The following NFYA variants were observed in gnomAD, a reference collection of about 807,000 sequenced individuals.
NFYA encodes the protein nuclear transcription factor Y subunit alpha.
A neutral mutation model predicts 52.8 loss-of-function variants in NFYA; 28 were observed. That is an observed-to-expected ratio of 0.53 (90% confidence interval 0.39 to 0.73). The LOEUF is 0.73. Ranked by LOEUF, NFYA falls within the 30% of genes least tolerant of loss-of-function variation. NFYA has a pLI of 0.00. For missense variants in NFYA, 234 were observed against 427.0 expected (o/e 0.55, Z 3.98); for synonymous variants, 150 against 150.7 (o/e 1.00, Z 0.03).
Position 41,091,655 on chromosome 6 carries a change from A to C in NFYA, c.675A>C (p.Pro225=). The change falls in exon 7 of 10, where the codon CCA becomes CCC. Residue 225 remains proline, a synonymous_variant. Coordinates refer to ENST00000341376, the MANE Select transcript of NFYA (RefSeq NM_002505.5). The part of the protein sequence containing the change: ...SGQGTVTVTL[P]VAGNVVNSGG... ...AAGGGACTGTCACTGTGACACTACCAGTGGCAGGCAATGTGGTCAATTCAG... is the reference window on the plus strand; with the variant it reads ...AAGGGACTGTCACTGTGACACTACCCGTGGCAGGCAATGTGGTCAATTCAG... 1 of 1,614,216 alleles carries C rather than the reference A, an allele frequency of 6.2e-7. No homozygotes were observed. Among genetic ancestry groups the C allele is most frequent in the Non-Finnish European group, 8.5e-7 (1 of 1,180,020 alleles).
rs1340219870 is a variant in NFYA at position 41,092,995 on chromosome 6, C to T, written c.798C>T (p.Tyr266=). 1.1e-5 allele frequency: 18 copies of T among 1,613,894 alleles called. No individual in the cohort carries two copies. The highest frequency in any genetic ancestry group is 1.6e-4 in the Middle Eastern group (1 of 6,084). The part of the protein sequence containing the change: ...GAEMLEEEPL[Y]VNAKQYHRIL... Reference sequence around the variant, plus strand: ...AGATGCTTGAAGAAGAGCCTCTCTACGTGAATGCCAAACAATACCACCGTA... The same window carrying T: ...AGATGCTTGAAGAAGAGCCTCTCTATGTGAATGCCAAACAATACCACCGTA... The change falls in exon 8 of 10, where the codon TAC becomes TAT. Residue 266 remains tyrosine, a synonymous_variant. Coordinates refer to ENST00000341376, the MANE Select transcript of NFYA (RefSeq NM_002505.5).
At chr6:41,078,859 T>C (rs1283822746) in intron 1 of NFYA, among the ~76,000 whole-genome samples, 170 bp from the exon 2 acceptor site, 2 of 152,252 alleles carry the variant, frequency 1.3e-5, no homozygotes, top group Admixed American at 1.3e-4. Context: ...TATGTTGTTA[T>C]GATTGTGCCA....
chr6:41,077,870 T>C (rs1286837219), intron 1 of NFYA, among the ~76,000 whole-genome samples: 3 of 152,368 alleles, frequency 2.0e-5, no homozygotes, highest in East Asian at 1.9e-4. Context: ...TAGCCTGTTA[T>C]TTATGGCTCA....
intron 1 of NFYA, among the ~76,000 whole-genome samples, chr6:41,074,668 G>A (rs1171495266): frequency 6.6e-6 from 1 of 152,176 alleles, no homozygotes; most frequent in East Asian, 1.9e-4. Context: ...AGTTTAGGGG[G>A]GAAAGCCCAG....
At chr6:41,074,744 T>A (rs558555570) in intron 1 of NFYA, among the ~76,000 whole-genome samples, 9 of 152,250 alleles carry the variant, frequency 5.9e-5, no homozygotes, top group Admixed American at 5.2e-4. Context: ...TGTATGGAGG[T>A]TCAAGTAGAA....
At position 41,100,075 on chromosome 6, in the gene NFYA, G is replaced by GGT. The variant is rs1764458405; in HGVS notation, c.*2668_*2669dup. 1 of 152,200 alleles carries GGT rather than the reference G, an allele frequency of 6.6e-6. No homozygotes were observed. Among genetic ancestry groups the GGT allele is most frequent in the Admixed American group, 6.5e-5 (1 of 15,290 alleles). The allele number at this position is 152,200 out of a possible 1,614,324, so 9.4% of individuals were successfully genotyped here. ...CCCGACAAGACTTGTCTGCATGGAC[G>GGT]GTGTCTCTGTAAACAGTATCAAACT... is the stretch of plus-strand genomic sequence containing the variant. On this transcript the variant is annotated 3_prime_UTR_variant, in exon 10 of 10. Transcript: ENST00000341376.
At chr6:41,093,223 T>G in intron 8 of NFYA, 138 bp downstream of exon 8, 1 of 725,094 alleles carries the variant, frequency 1.4e-6, no homozygotes, top group Non-Finnish European at 2.1e-6. Context: ...TTTGTAAGAG[T>G]TAGCATTTGT....
chr6:41,080,285 A>T (rs916237825), intron 2 of NFYA, among the ~76,000 whole-genome samples: 2 of 152,168 alleles, frequency 1.3e-5, no homozygotes. Context: ...CCCCATCTCA[A>T]AATAAGTACA....
At chr6:41,090,042 G>A (rs755160430) in intron 5 of NFYA, among the ~76,000 whole-genome samples, 162 bp from the exon 6 acceptor site, 38 of 152,128 alleles carry the variant, frequency 2.5e-4, no homozygotes, top group Non-Finnish European at 3.4e-4. Context: ...CCCAGGAGGC[G>A]GAGGTTGCAG....
rs1764494471 is a variant in NFYA at position 41,101,247 on chromosome 6, G to C, written c.*3837G>C. The C allele has an allele frequency of 6.6e-6, 1 of 152,254 alleles. No individual in the cohort carries two copies. The highest frequency in any genetic ancestry group is 1.5e-5 in the Non-Finnish European group (1 of 68,052). 9.4% of individuals were successfully genotyped at this position (152,254 alleles called of 1,614,324 possible). A position where few individuals can be genotyped will look rare whatever the true frequency, so the allele number is the denominator to read the frequency against. ...CGGGAGAGGCGGCCGTTGGGTCTAAGCCCCTGGAGGCCTCGACGGTTACAG... is the reference window on the plus strand; with the variant it reads ...CGGGAGAGGCGGCCGTTGGGTCTAACCCCCTGGAGGCCTCGACGGTTACAG... On this transcript the variant is annotated 3_prime_UTR_variant, in exon 10 of 10. Transcript: ENST00000341376.
intron 2 of NFYA, among the ~76,000 whole-genome samples, chr6:41,080,349 C>T (rs991146038): frequency 2.0e-5 from 3 of 151,976 alleles, no homozygotes; most frequent in African/African-American, 4.8e-5. Flanking sequence ...AGAGCATTGA[C>T]GTCATGAAGA....
chr6:41,093,193 G>A (rs542808174), intron 8 of NFYA, 108 bp downstream of exon 8: 26 of 927,302 alleles, frequency 2.8e-5, no homozygotes, highest in Non-Finnish European at 3.6e-5. Context: ...AACAATTGAC[G>A]TTAGATACTT....
At chr6:41,095,553 C>T (rs1044511982) in intron 9 of NFYA, among the ~76,000 whole-genome samples, 1 of 152,096 alleles carries the variant, frequency 6.6e-6, no homozygotes, top group Non-Finnish European at 1.5e-5. Flanking sequence ...ACTTTAGGCT[C>T]CCGAGTAGCT....
At chr6:41,094,633 C>A in intron 9 of NFYA, 136 bp downstream of exon 9, 1 of 618,404 alleles carries the variant, frequency 1.6e-6, no homozygotes, top group South Asian at 2.0e-5. Context: ...AATCTTATGT[C>A]TCTTTAGATT....
At chr6:41,087,791 T>G (rs573909353) in intron 4 of NFYA, among the ~76,000 whole-genome samples, 18 of 152,358 alleles carry the variant, frequency 1.2e-4, no homozygotes, top group South Asian at 2.1e-4. Flanking sequence ...GTATTGCAGT[T>G]TTTTAGTTCC....
chr6:41,081,237 C>T (rs1763896353), intron 3 of NFYA, among the ~76,000 whole-genome samples: 1 of 152,140 alleles, frequency 6.6e-6, no homozygotes, highest in Non-Finnish European at 1.5e-5. Context: ...CGCCTGTAAT[C>T]CCAGCACTTT....
intron 4 of NFYA, among the ~76,000 whole-genome samples, chr6:41,085,142 T>C (rs1764010066): frequency 2.6e-5 from 4 of 152,192 alleles, no homozygotes; most frequent in Admixed American, 2.6e-4. Flanking sequence ...TTTAAAACTG[T>C]AGAGTTATTT....
chr6:41,090,207 C>T lies in NFYA; in HGVS notation c.445C>T (p.Gln149Ter). ...TGTCATTACTTATTTCCTCCAGACA[C>T]AGCAGCAGATTGCTGTCCAGGGACA... ...TAVTAGQTQTQQQIAVQGQQV... is the reference protein window; with the variant it reads ...TAVTAGQTQT Residue 149 changes from glutamine (Q) to a stop codon, truncating the protein, a stop_gained, in exon 6 of 10, where the codon CAG (glutamine) becomes TAG (stop). Coordinates refer to ENST00000341376, the MANE Select transcript of NFYA (RefSeq NM_002505.5). LOFTEE classifies it high-confidence loss of function. 1 of 1,607,400 alleles carries T rather than the reference C, an allele frequency of 6.2e-7. No homozygotes were observed. The highest frequency in any genetic ancestry group is 8.5e-7 in the Non-Finnish European group (1 of 1,174,090).
At chr6:41,080,935 ACTT>A (rs1448148863) in intron 3 of NFYA, 38 bp downstream of exon 3, 1 of 1,506,358 alleles carries the variant, frequency 6.6e-7, no homozygotes, top group Non-Finnish European at 9.2e-7. Context: ...CACTGCATGA[ACTT>A]CTCCTCTCCT....
Sources: allele counts gnomAD v4.1 joint callset (sites outside exome capture counted in the v4.1 genomes callset), GRCh38; gene constraint gnomAD v4.1.1; transcripts MANE v1.5; gene names NCBI Gene and HGNC (gene_info 2026-07-23, HGNC 2026-07-21).